The following DCLK1 variants were observed in gnomAD, a reference collection of about 807,000 sequenced individuals.
The protein encoded by DCLK1 is doublecortin like kinase 1.
DCLK1 carries 16 observed loss-of-function variants against 86.2 expected under a neutral mutation model. The ratio of observed to expected loss-of-function variants is 0.19; its 90% CI spans 0.13 to 0.28. The LOEUF is 0.28. DCLK1 is among the 10% of genes least tolerant of loss of function. The pLI is 1.00. For synonymous variants in DCLK1, 369 were observed against 370.5 expected (o/e 1.00, Z 0.05); for missense variants, 590 against 940.2 (o/e 0.63, Z 4.87).
chr13:35,940,815 G>C (rs903091964), intron 4 of DCLK1, among the ~76,000 whole-genome samples: 2 of 152,158 alleles, frequency 1.3e-5, no homozygotes, highest in Admixed American at 6.5e-5. Context: ...TCGCTTTCTG[G>C]TTCCAAAGAG....
intron 3 of DCLK1, among the ~76,000 whole-genome samples, chr13:36,092,216 T>A (rs1053980619): frequency 1.3e-5 from 2 of 152,064 alleles, no homozygotes. Flanking sequence ...GTTTTTTTTT[T>A]ATAGCTGTGT....
At chr13:35,872,053 A>C (rs1230545971) in intron 4 of DCLK1, among the ~76,000 whole-genome samples, 1 of 152,240 alleles carries the variant, frequency 6.6e-6, no homozygotes, top group Non-Finnish European at 1.5e-5. Flanking sequence ...AATGCTGAAC[A>C]TCTTAAATGG....
chr13:35,928,984 C>T (rs1353739037), intron 4 of DCLK1, among the ~76,000 whole-genome samples: 1 of 152,142 alleles, frequency 6.6e-6, no homozygotes, highest in Non-Finnish European at 1.5e-5. Context: ...GACTGGAGTG[C>T]AGTGGCATGA....
intron 4 of DCLK1, among the ~76,000 whole-genome samples, chr13:35,941,283 A>C (rs923562449): frequency 6.6e-6 from 1 of 152,176 alleles, no homozygotes; most frequent in Non-Finnish European, 1.5e-5. Flanking sequence ...AGAATTAGGG[A>C]AAGTGATCAG....
chr13:36,102,687 G>A (rs912994462), intron 3 of DCLK1, among the ~76,000 whole-genome samples: 5 of 152,208 alleles, frequency 3.3e-5, no homozygotes, highest in African/African-American at 9.7e-5. Context: ...AATCAGACAC[G>A]TTTTGAAAAA....
chr13:35,774,338 A>T lies in DCLK1; in HGVS notation c.*197T>A. 1.4e-6 allele frequency: 1 copy of T among 727,870 alleles called. No individual in the cohort carries two copies. Among genetic ancestry groups the T allele is most frequent in the Non-Finnish European group, 2.1e-6 (1 of 466,768 alleles). The allele number at this position is 727,870 out of a possible 1,614,324, so 45.1% of individuals were successfully genotyped here. A position where few individuals can be genotyped will look rare whatever the true frequency, so the allele number is the denominator to read the frequency against. On this transcript the variant is annotated 3_prime_UTR_variant, in exon 17 of 17. Transcript: ENST00000360631. ...TTGAGGACTCTATTAGCAGCAAATT[A>T]CCATCTTCACAATCACCACGTGTCA...
chr13:35,774,178 A>G lies in DCLK1; in HGVS notation c.*357T>C, dbSNP rs2086380949. 5.5e-6 allele frequency: 1 copy of G among 180,192 alleles called. No homozygotes were observed. Among genetic ancestry groups the G allele is most frequent in the Admixed American group, 5.5e-5 (1 of 18,030 alleles). 11.2% of individuals were successfully genotyped at this position (180,192 alleles called of 1,614,324 possible). On this transcript the variant is annotated 3_prime_UTR_variant, in exon 17 of 17. Transcript: ENST00000360631. ...CCAAAGGCCTGAAAAATTCCCAAACAAGAATTCTCAATAAAATTCTATGCA... is the reference window on the plus strand; with the variant it reads ...CCAAAGGCCTGAAAAATTCCCAAACGAGAATTCTCAATAAAATTCTATGCA...
At chr13:35,913,268 C>G (rs2153125156) in intron 4 of DCLK1, among the ~76,000 whole-genome samples, 1 of 152,252 alleles carries the variant, frequency 6.6e-6, no homozygotes, top group Non-Finnish European at 1.5e-5. Context: ...AATGCAGGGT[C>G]CCATGATACT....
chr13:35,828,433 T>G, intron 8 of DCLK1, 126 bp from the exon 9 acceptor site: 1 of 762,350 alleles, frequency 1.3e-6, no homozygotes, highest in East Asian at 2.8e-5. Context: ...GTGAAAGGAT[T>G]TCCTTTCCTT....
At chr13:36,043,914 A>G (rs187701330) in intron 3 of DCLK1, among the ~76,000 whole-genome samples, 6 of 152,326 alleles carry the variant, frequency 3.9e-5, no homozygotes, top group Admixed American at 2.0e-4. Flanking sequence ...AAAACTAGAA[A>G]GTAGTAAAAG....
intron 3 of DCLK1, among the ~76,000 whole-genome samples, chr13:35,948,571 G>A (rs1438225693): frequency 6.6e-6 from 1 of 152,196 alleles, no homozygotes; most frequent in African/African-American, 2.4e-5. Flanking sequence ...TGTAAGACAT[G>A]GAATAGTAAG....
chr13:36,107,639 G>C (rs1178014684), intron 3 of DCLK1, among the ~76,000 whole-genome samples: 1 of 152,034 alleles, frequency 6.6e-6, no homozygotes, highest in Admixed American at 6.6e-5. Context: ...GGATCATTGG[G>C]AAGTGCCCTA....
At chr13:35,905,111 C>G (rs2153123310) in intron 4 of DCLK1, among the ~76,000 whole-genome samples, 1 of 152,298 alleles carries the variant, frequency 6.6e-6, no homozygotes, top group Non-Finnish European at 1.5e-5. Flanking sequence ...GAGAGGGTGT[C>G]AAAAGATAAA....
intron 3 of DCLK1, among the ~76,000 whole-genome samples, chr13:36,045,165 A>C (rs984940676): frequency 2.1e-4 from 31 of 149,800 alleles, no homozygotes; most frequent in Non-Finnish European, 4.0e-4. Context: ...CTGTATACCC[A>C]ACACTCAGAC....
chr13:36,090,808 G>A (rs954959557), intron 3 of DCLK1, among the ~76,000 whole-genome samples: 1 of 152,140 alleles, frequency 6.6e-6, no homozygotes, highest in African/African-American at 2.4e-5. Flanking sequence ...GGAGCACAAT[G>A]AGGATCTCAT....
chr13:35,833,257 A>G (rs892551298), intron 8 of DCLK1, among the ~76,000 whole-genome samples: 6 of 152,138 alleles, frequency 3.9e-5, no homozygotes, highest in Admixed American at 2.0e-4. Flanking sequence ...ATCCCTGCTC[A>G]TGACTATATC....
intron 3 of DCLK1, among the ~76,000 whole-genome samples, chr13:35,958,219 C>CAT (rs1566620893): frequency 3.3e-3 from 269 of 80,714 alleles, no homozygotes; most frequent in African/African-American, 0.014. Flanking sequence ...ACCATCACCA[C>CAT]CACCACTATA....
At chr13:36,084,457 A>G (rs1884527919) in intron 3 of DCLK1, among the ~76,000 whole-genome samples, 1 of 152,214 alleles carries the variant, frequency 6.6e-6, no homozygotes, top group South Asian at 2.1e-4. Context: ...AACAGAAAAG[A>G]TATAAACAAA....
intron 6 of DCLK1, among the ~76,000 whole-genome samples, chr13:35,852,742 T>C (rs896457665): frequency 2.6e-5 from 4 of 152,172 alleles, no homozygotes; most frequent in Non-Finnish European, 4.4e-5. Flanking sequence ...TCTAGCCCCA[T>C]TCTGCCAAGA....
Sources: gnomAD v4.1 joint callset for allele counts (sites outside exome capture counted in the v4.1 genomes callset) on GRCh38, gnomAD v4.1.1 for gene constraint, MANE v1.5 for transcripts, NCBI Gene and HGNC (gene_info 2026-07-23, HGNC 2026-07-21) for gene names.